The following CRYBG3 variants were observed in gnomAD, a reference collection of about 807,000 sequenced individuals.
CRYBG3 encodes the protein crystallin beta-gamma domain containing 3.
CRYBG3 carries 127 observed loss-of-function variants against 244.2 expected under a neutral mutation model. That is an observed-to-expected ratio of 0.52 (90% CI 0.45 to 0.60). The LOEUF is 0.60. Ranked by LOEUF, CRYBG3 falls within the 20% of genes least tolerant of loss-of-function variation. The probability of loss-of-function intolerance (pLI) is 0.00; values close to 1 mark genes in which losing one functional copy is unlikely to be tolerated. For synonymous variants in CRYBG3, 1,132 were observed against 1,195.8 expected, an observed-to-expected ratio of 0.95 and a Z score of 1.10; for missense variants, 3,325 against 3,442.5, an observed-to-expected ratio of 0.97 and a Z score of 0.85.
At chr3:97,860,756 T>C (rs1335876080) in intron 2 of CRYBG3, among the ~76,000 whole-genome samples, 1 of 152,154 alleles carries the variant, frequency 6.6e-6, no homozygotes, top group Non-Finnish European at 1.5e-5. Flanking sequence ...CCTGGTCTGG[T>C]TTTGACCTCC....
At chr3:97,910,504 C>T (rs974625763) in intron 15 of CRYBG3, among the ~76,000 whole-genome samples, 5 of 152,292 alleles carry the variant, frequency 3.3e-5, no homozygotes, top group Admixed American at 3.3e-4. Flanking sequence ...GGGAGTGAAC[C>T]GATTTTCCAG....
At chr3:97,863,853 C>A (rs565968689) in intron 2 of CRYBG3, among the ~76,000 whole-genome samples, 29 of 152,252 alleles carry the variant, frequency 1.9e-4, no homozygotes, top group Admixed American at 1.7e-3. Context: ...TAAAAACACA[C>A]ACACATGCAT....
chr3:97,912,147 T>C lies in CRYBG3; in HGVS notation c.8005-20T>C. The stretch of plus-strand genomic sequence containing the variant: ...AGACCATTTTTTTTCTATTTAACTG[T>C]TGTGTTGTTGTTCTTGTAGCTCAAA... On this transcript the variant is annotated intron_variant, in intron 15 of 21. Coordinates refer to ENST00000389622, the MANE Select transcript of CRYBG3 (RefSeq NM_153605.4). 7.3e-7 allele frequency: 1 copy of C among 1,361,298 alleles called. No individual in the cohort carries two copies. Among genetic ancestry groups the C allele is most frequent in the Non-Finnish European group, 1.0e-6 (1 of 973,156 alleles). The allele number at this position is 1,361,298 out of a possible 1,614,324, so 84.3% of individuals were successfully genotyped here. A position where few individuals can be genotyped will look rare whatever the true frequency, so the allele number is the denominator to read the frequency against.
chr3:97,851,730 C>G (rs2038988406), intron 2 of CRYBG3, among the ~76,000 whole-genome samples: 2 of 152,124 alleles, frequency 1.3e-5, no homozygotes, highest in Admixed American at 1.3e-4. Flanking sequence ...GGGGCTATAT[C>G]CACCAAGACC....
chr3:97,919,515 A>G (rs1014423287), intron 17 of CRYBG3, among the ~76,000 whole-genome samples: 2 of 152,018 alleles, frequency 1.3e-5, no homozygotes, highest in Non-Finnish European at 2.9e-5. Flanking sequence ...ATGGGTTTCT[A>G]TTGTCTTCTC....
rs760928736 is a variant in CRYBG3 at position 97,877,102 on chromosome 3, A to C, written c.5908A>C (p.Ile1970Leu). ...RLDKRMSLTA[I>L]YDKRRETDYS... ...AGACAAAAGAATGTCTCTTACTGCA[A>C]TATATGACAAGAGGAGAGAGACAGA... The change falls in exon 4 of 22, where the codon ATA becomes CTA. Residue 1970 changes from isoleucine (I) to leucine (L), a missense_variant. By Grantham distance (5) the Ile-to-Leu change is conservative. This residue lies in a region of CRYBG3 where 450 missense variants were observed against 424.1 expected (regional missense o/e 1.06). Transcript: ENST00000389622. 1 of 1,613,058 alleles carries C rather than the reference A, an allele frequency of 6.2e-7. No individual in the cohort carries two copies. The highest frequency in any genetic ancestry group is 1.1e-5 in the South Asian group (1 of 90,928).
chr3:97,923,423 A>T (rs2040005430), intron 17 of CRYBG3, among the ~76,000 whole-genome samples: 3 of 152,124 alleles, frequency 2.0e-5, no homozygotes, highest in Admixed American at 1.3e-4. Context: ...ATTAACTATT[A>T]TGCACATTTT....
chr3:97,924,361 C>T (rs1440347841), intron 17 of CRYBG3: 2 of 449,774 alleles, frequency 4.4e-6, no homozygotes, highest in South Asian at 1.6e-5. Flanking sequence ...GATGATACTG[C>T]AGTAGGATGG....
Position 97,872,632 on chromosome 3 carries a change from A to G in CRYBG3, c.1438A>G (p.Ile480Val). 2.0e-6 allele frequency: 3 copies of G among 1,536,006 alleles called. No individual in the cohort carries two copies. Among genetic ancestry groups the G allele is most frequent in the Non-Finnish European group, 2.6e-6 (3 of 1,146,830 alleles). The change falls in exon 4 of 22, where the codon ATA becomes GTA. Residue 480 changes from isoleucine to valine, a missense_variant. Physicochemically the swap from Ile to Val is conservative, Grantham distance 29. Coordinates refer to ENST00000389622, the MANE Select transcript of CRYBG3 (RefSeq NM_153605.4). ...PESECSDKQT[I>V]DSSSKQAATH... ...GAGTGAGTGTTCTGACAAGCAAACCATAGATAGCTCATCAAAGCAAGCTGC... is the reference window on the plus strand; with the variant it reads ...GAGTGAGTGTTCTGACAAGCAAACCGTAGATAGCTCATCAAAGCAAGCTGC...
intron 1 of CRYBG3, among the ~76,000 whole-genome samples, chr3:97,838,580 C>A (rs949200517): frequency 3.3e-5 from 5 of 152,016 alleles, no homozygotes; most frequent in African/African-American, 1.2e-4. Flanking sequence ...GACATGAGTT[C>A]TGAAAGAATG....
intron 2 of CRYBG3, among the ~76,000 whole-genome samples, chr3:97,848,063 G>A (rs563806395): frequency 7.9e-5 from 12 of 152,182 alleles, no homozygotes; most frequent in East Asian, 1.9e-4. Context: ...ATTAATGCCC[G>A]TATTCAGAAT....
At chr3:97,881,020 T>G in intron 6 of CRYBG3, 52 bp from the exon 7 acceptor site, 1 of 1,435,412 alleles carries the variant, frequency 7.0e-7, no homozygotes, top group East Asian at 2.5e-5. Context: ...CTTATATGCC[T>G]TATTTCTTAG....
At chr3:97,887,979 T>A (rs1022550216) in intron 8 of CRYBG3, among the ~76,000 whole-genome samples, 1 of 152,152 alleles carries the variant, frequency 6.6e-6, no homozygotes, top group Non-Finnish European at 1.5e-5. Flanking sequence ...CCTCTGATTG[T>A]TCCAGTTTAA....
chr3:97,860,764 T>A (rs1397079302), intron 2 of CRYBG3, among the ~76,000 whole-genome samples: 1 of 152,154 alleles, frequency 6.6e-6, no homozygotes, highest in Non-Finnish European at 1.5e-5. Flanking sequence ...GGTTTTGACC[T>A]CCTCTATCTC....
chr3:97,838,143 C>T (rs761277744), intron 1 of CRYBG3, among the ~76,000 whole-genome samples: 1 of 152,026 alleles, frequency 6.6e-6, no homozygotes, highest in Non-Finnish European at 1.5e-5. Flanking sequence ...GATTTTTTTC[C>T]TTCCAGGTCC....
intron 14 of CRYBG3, 148 bp downstream of exon 14, chr3:97,899,411 C>G: frequency 1.3e-6 from 1 of 768,170 alleles, no homozygotes; most frequent in Non-Finnish European, 2.1e-6. Flanking sequence ...TTTCTATAGA[C>G]TCCATAGACA....
intron 2 of CRYBG3, among the ~76,000 whole-genome samples, chr3:97,856,540 T>G (rs1474733703): frequency 1.3e-5 from 2 of 152,190 alleles, no homozygotes; most frequent in African/African-American, 4.8e-5. Flanking sequence ...GCATAAGAAA[T>G]TATAAAAGTA....
chr3:97,944,089 A>G lies in CRYBG3; in HGVS notation c.*775A>G, dbSNP rs968465312. 21 of 151,688 alleles carry G rather than the reference A, an allele frequency of 1.4e-4. No individual in the cohort carries two copies. Among genetic ancestry groups the G allele is most frequent in the Non-Finnish European group, 1.5e-5 (1 of 67,822 alleles). 9.4% of individuals were successfully genotyped at this position (151,688 alleles called of 1,614,324 possible). ...TGTCTCCATGTTGACACTTCATCCT[A>G]GATTTAAGGAGAGGCATCAATTTTT... On this transcript the variant is annotated 3_prime_UTR_variant, in exon 22 of 22. Coordinates refer to ENST00000389622, the MANE Select transcript of CRYBG3 (RefSeq NM_153605.4).
At chr3:97,942,621 A>C in intron 21 of CRYBG3, 178 bp downstream of exon 21, 1 of 579,192 alleles carries the variant, frequency 1.7e-6, no homozygotes, top group East Asian at 3.0e-5. Flanking sequence ...AGAAAAAGCC[A>C]AACAACAAAG....
Sources: allele counts gnomAD v4.1 joint callset (sites outside exome capture counted in the v4.1 genomes callset), GRCh38; gene constraint gnomAD v4.1.1; regional missense constraint gnomAD v4.1.1; transcripts MANE v1.5; gene names NCBI Gene and HGNC (gene_info 2026-07-23, HGNC 2026-07-21).